The following PTPRD variants were observed in gnomAD, a reference collection of about 807,000 sequenced individuals.
PTPRD encodes receptor-type tyrosine-protein phosphatase delta.
A neutral mutation model predicts 214.5 loss-of-function variants in PTPRD; 34 were observed. The observed-to-expected ratio is 0.16, with a 90% CI of 0.12 to 0.21. PTPRD has a LOEUF of 0.21. Among genes scored for constraint, PTPRD ranks in the 10% least tolerant of loss-of-function variants. The probability of loss-of-function intolerance (pLI) is 1.00; values close to 1 mark genes in which losing one functional copy is unlikely to be tolerated. For missense variants in PTPRD, 2,545 were observed against 2,398.7 expected (o/e 1.06, Z -1.27); for synonymous variants, 1,128 against 845.7 (o/e 1.33, Z -5.79).
At chr9:9,785,156 A>T (rs922139283) in intron 5 of PTPRD, among the ~76,000 whole-genome samples, 1 of 151,986 alleles carries the variant, frequency 6.6e-6, no homozygotes, top group African/African-American at 2.4e-5. Context: ...TACTATTTTA[A>T]GTAACAAAAA....
chr9:8,689,752 C>T (rs1403665021), intron 12 of PTPRD, among the ~76,000 whole-genome samples: 1 of 152,106 alleles, frequency 6.6e-6, no homozygotes. Flanking sequence ...TTCATCTCTT[C>T]TTTAGAATAT....
intron 11 of PTPRD, among the ~76,000 whole-genome samples, chr9:8,930,040 C>T (rs1164408597): frequency 2.0e-5 from 3 of 151,190 alleles, no homozygotes; most frequent in Non-Finnish European, 2.9e-5. Flanking sequence ...ATACATGTAC[C>T]ATGTTGGTGT....
chr9:9,035,694 T>C (rs536933452), intron 10 of PTPRD, among the ~76,000 whole-genome samples: 5 of 152,300 alleles, frequency 3.3e-5, no homozygotes, highest in Non-Finnish European at 7.4e-5. Flanking sequence ...GACTAGTTAT[T>C]GTTCATCTTG....
At chr9:8,617,991 T>A (rs1359199049) in intron 14 of PTPRD, among the ~76,000 whole-genome samples, 1 of 152,136 alleles carries the variant, frequency 6.6e-6, no homozygotes, top group African/African-American at 2.4e-5. Flanking sequence ...AAGCTCTTGA[T>A]TTTTAATTGC....
intron 7 of PTPRD, among the ~76,000 whole-genome samples, chr9:9,624,587 C>A (rs553062806): frequency 6.6e-6 from 1 of 151,920 alleles, no homozygotes; most frequent in Non-Finnish European, 1.5e-5. Context: ...TGTACCTGGC[C>A]GTATTTTGGT....
intron 8 of PTPRD, among the ~76,000 whole-genome samples, chr9:9,540,198 C>T (rs1049995758): frequency 2.0e-5 from 3 of 151,824 alleles, no homozygotes; most frequent in African/African-American, 7.3e-5. Context: ...CAGGGCTTTG[C>T]AATATGCTGG....
chr9:9,808,735 A>G (rs1055866136), intron 5 of PTPRD, among the ~76,000 whole-genome samples: 2 of 151,976 alleles, frequency 1.3e-5, no homozygotes, highest in South Asian at 2.1e-4. Flanking sequence ...TAGAGACCCA[A>G]CTTTCATCTC....
At chr9:8,768,523 A>G (rs1253322585) in intron 11 of PTPRD, among the ~76,000 whole-genome samples, 1 of 152,202 alleles carries the variant, frequency 6.6e-6, no homozygotes, top group Non-Finnish European at 1.5e-5. Context: ...ACTGTACTTC[A>G]GCCTGGGTGA....
intron 11 of PTPRD, among the ~76,000 whole-genome samples, chr9:8,776,182 T>G (rs2095465587): frequency 6.6e-6 from 1 of 152,160 alleles, no homozygotes; most frequent in East Asian, 1.9e-4. Context: ...CACCCTGATT[T>G]TGGGACAGTG....
intron 25 of PTPRD, 112 bp from the exon 26 acceptor site, chr9:8,497,380 C>G: frequency 1.2e-6 from 1 of 830,898 alleles, no homozygotes; most frequent in South Asian, 2.2e-5. Context: ...AAAAATAAAG[C>G]AGTGTGTACA....
chr9:9,476,708 C>A (rs2095069623), intron 8 of PTPRD, among the ~76,000 whole-genome samples: 1 of 152,052 alleles, frequency 6.6e-6, no homozygotes, highest in Admixed American at 6.6e-5. Flanking sequence ...CATAAGAAAC[C>A]TAATAAACAA....
intron 5 of PTPRD, among the ~76,000 whole-genome samples, chr9:9,881,474 A>G (rs2068663372): frequency 6.6e-6 from 1 of 152,108 alleles, no homozygotes; most frequent in South Asian, 2.1e-4. Context: ...AGGTTACATT[A>G]TTTCTCCTCC....
chr9:10,024,375 G>T (rs1369185552), intron 4 of PTPRD, among the ~76,000 whole-genome samples: 1 of 152,116 alleles, frequency 6.6e-6, no homozygotes, highest in Non-Finnish European at 1.5e-5. Flanking sequence ...CAGTGTGAAT[G>T]CCTGGTGTCT....
intron 8 of PTPRD, among the ~76,000 whole-genome samples, chr9:9,416,975 G>A (rs143164959): frequency 6.6e-6 from 1 of 152,018 alleles, no homozygotes; most frequent in Non-Finnish European, 1.5e-5. Context: ...GTTAATCTGG[G>A]TTTCTACTAA....
chr9:8,553,222 T>C (rs892281864), intron 14 of PTPRD, among the ~76,000 whole-genome samples: 7 of 152,168 alleles, frequency 4.6e-5, no homozygotes, highest in African/African-American at 1.2e-4. Context: ...AAAAATGCTA[T>C]GATACAGTTT....
chr9:9,050,768 A>C (rs567223499), intron 10 of PTPRD, among the ~76,000 whole-genome samples: 2 of 152,072 alleles, frequency 1.3e-5, no homozygotes, highest in South Asian at 4.1e-4. Context: ...CACTCATTTT[A>C]TCTTTATTAA....
chr9:10,428,720 T>C (rs1189465575), intron 2 of PTPRD, among the ~76,000 whole-genome samples: 2 of 152,086 alleles, frequency 1.3e-5, no homozygotes, highest in East Asian at 3.9e-4. Flanking sequence ...CTAAAATCTA[T>C]GGAATATTCT....
At chr9:8,734,405 T>C (rs2098694861) in intron 11 of PTPRD, among the ~76,000 whole-genome samples, 2 of 152,244 alleles carry the variant, frequency 1.3e-5, no homozygotes, top group Non-Finnish European at 2.9e-5. Context: ...TTTTTTGGCA[T>C]CAGTTGAAAT....
In PTPRD at chr9:10,482,231, C is replaced by T. The variant is rs950336731; in HGVS notation, c.-600+130167G>A. ...CTAAAAATACAAAAAATTAGCCGGG[C>T]GTGGTGGCGGGTGCCTGTAGTCCCA... On this transcript the variant is annotated intron_variant, in intron 2 of 45. Transcript: ENST00000381196. Among the ~76,000 whole-genome samples, 63 of 151,720 alleles carry T rather than the reference C, an allele frequency of 4.2e-4. No individual in the cohort carries two copies. The East Asian group carries it at 6.0e-3, about 15-fold the overall frequency.
Sources: allele counts gnomAD v4.1 joint callset (sites outside exome capture counted in the v4.1 genomes callset), GRCh38; gene constraint gnomAD v4.1.1; transcripts MANE v1.5; gene names NCBI Gene and HGNC (gene_info 2026-07-23, HGNC 2026-07-21).